INTS4: variants seen among roughly 807,000 people sequenced by gnomAD.
INTS4 encodes the protein integrator complex subunit 4.
In INTS4, 70 loss-of-function variants were observed where a neutral mutation model predicts 119.5. The ratio of observed to expected loss-of-function variants is 0.59; its 90% confidence interval spans 0.48 to 0.71. The LOEUF is 0.71. INTS4 is among the 30% of genes least tolerant of loss of function. The pLI, the probability that INTS4 is intolerant of heterozygous loss-of-function variation, is 0.00. For missense variants in INTS4, 867 were observed against 1,173.2 expected (o/e 0.74, Z 3.81); for synonymous variants, 316 against 419.6 (o/e 0.75, Z 3.02).
intron 4 of INTS4, among the ~76,000 whole-genome samples, chr11:77,974,415 G>C (rs1855864831): frequency 6.6e-6 from 1 of 151,196 alleles, no homozygotes; most frequent in South Asian, 2.1e-4. Context: ...ACTAATTTTT[G>C]TATTTTTAGT....
In INTS4 at chr11:77,907,826, C is replaced by T. The variant is rs147404221; in HGVS notation, c.1923-16G>A. The T allele has an allele frequency of 1.9e-6, 3 of 1,541,064 alleles. No individual in the cohort carries two copies. Among genetic ancestry groups the T allele is most frequent in the East Asian group, 4.5e-5 (2 of 44,316 alleles). Reference sequence around the variant, plus strand: ...TTGCAGATCCCTATAGTAAATAAAACCCCCAAGGCAAACACAGGATAAGGA... The same window carrying T: ...TTGCAGATCCCTATAGTAAATAAAATCCCCAAGGCAAACACAGGATAAGGA... On this transcript the variant is annotated splice_polypyrimidine_tract_variant and intron_variant, in intron 15 of 22. Coordinates refer to ENST00000534064, the MANE Select transcript of INTS4 (RefSeq NM_033547.4).
intron 16 of INTS4, 96 bp downstream of exon 16, chr11:77,907,621 A>T: frequency 1.2e-6 from 1 of 809,300 alleles, no homozygotes; most frequent in Non-Finnish European, 2.1e-6. Context: ...TTGCATTAAG[A>T]CCATAAGTTT....
intron 18 of INTS4, among the ~76,000 whole-genome samples, chr11:77,894,620 C>T (rs1013114900): frequency 5.3e-5 from 8 of 152,192 alleles, no homozygotes; most frequent in Non-Finnish European, 1.0e-4. Flanking sequence ...AGACTCACTA[C>T]GAATACAGGA....
Position 77,896,523 on chromosome 11 carries a change from A to G in INTS4, c.2229-2174T>C, listed in dbSNP as rs561594949. Among the ~76,000 whole-genome samples, 11 of 152,148 alleles carry G rather than the reference A, an allele frequency of 7.2e-5. No homozygotes were observed. In the South Asian group the frequency reaches 2.1e-3, roughly 29 times the overall value. Reference sequence around the variant, plus strand: ...CAAAATTAGCCGGGTACAGTGGCGCATGCCTGTAATCCCAGCTACTTGGGA... The same window carrying G: ...CAAAATTAGCCGGGTACAGTGGCGCGTGCCTGTAATCCCAGCTACTTGGGA... On this transcript the variant is annotated intron_variant, in intron 18 of 22. Coordinates refer to ENST00000534064, the MANE Select transcript of INTS4 (RefSeq NM_033547.4).
At chr11:77,968,158 C>A (rs1855573736) in intron 4 of INTS4, among the ~76,000 whole-genome samples, 1 of 152,090 alleles carries the variant, frequency 6.6e-6, no homozygotes, top group Non-Finnish European at 1.5e-5. Context: ...TATGGGACCA[C>A]TGTTGTATAT....
At chr11:77,902,560 T>C (rs1952810354) in intron 17 of INTS4, among the ~76,000 whole-genome samples, 1 of 152,234 alleles carries the variant, frequency 6.6e-6, no homozygotes, top group African/African-American at 2.4e-5. Flanking sequence ...GAATTTAACC[T>C]TGCTGAGCCT....
intron 8 of INTS4, among the ~76,000 whole-genome samples, chr11:77,946,698 T>C (rs1440550527): frequency 3.3e-5 from 5 of 151,514 alleles, no homozygotes; most frequent in African/African-American, 1.2e-4. Context: ...GAGGAGAAGG[T>C]TGCAGTGAGC....
intron 11 of INTS4, among the ~76,000 whole-genome samples, chr11:77,926,617 G>T (rs1276687006): frequency 6.6e-6 from 1 of 151,884 alleles, no homozygotes; most frequent in East Asian, 1.9e-4. Context: ...GACCAGCCTG[G>T]CCAATATGGT....
chr11:77,980,004 G>GAAAAA (rs71046935), intron 3 of INTS4, among the ~76,000 whole-genome samples: 2 of 138,282 alleles, frequency 1.4e-5, no homozygotes, highest in Non-Finnish European at 3.1e-5. Flanking sequence ...AGAAGAAACA[G>GAAAAA]AAAAAAAAAA....
At chr11:77,946,298 T>C (rs1344949224) in intron 8 of INTS4, among the ~76,000 whole-genome samples, 3 of 152,084 alleles carry the variant, frequency 2.0e-5, no homozygotes, top group Non-Finnish European at 2.9e-5. Context: ...CAACACACCA[T>C]ACCCAACTAA....
chr11:77,966,397 C>G (rs1393718858), intron 4 of INTS4, among the ~76,000 whole-genome samples: 1 of 152,140 alleles, frequency 6.6e-6, no homozygotes, highest in Non-Finnish European at 1.5e-5. Context: ...ACAGAGCTTT[C>G]CCTGTGTTTT....
chr11:77,891,911 AC>A, intron 19 of INTS4, 71 bp from the exon 20 acceptor site: 1 of 1,596,580 alleles, frequency 6.3e-7, no homozygotes, highest in Non-Finnish European at 8.5e-7. Flanking sequence ...GGCCCCAGAC[AC>A]CTATCAAACC....
chr11:77,946,618 G>C (rs1032715057), intron 8 of INTS4, among the ~76,000 whole-genome samples: 1 of 151,994 alleles, frequency 6.6e-6, no homozygotes, highest in South Asian at 2.1e-4. Flanking sequence ...AAAATTAGTC[G>C]GGTGTGGTGG....
chr11:77,920,212 T>TATATATACACAC (rs1953313347), intron 14 of INTS4, among the ~76,000 whole-genome samples: 12 of 142,388 alleles, frequency 8.4e-5, no homozygotes, highest in Middle Eastern at 3.6e-3. Context: ...TATACACACA[T>TATATATACACAC]ATATATACAC....
At position 77,941,377 on chromosome 11, in the gene INTS4, T is replaced by C. The variant is rs564941166; in HGVS notation, c.919-126A>G. The C allele has an allele frequency of 1.6e-4, 163 of 1,020,948 alleles. 1 individual carries two copies. In the South Asian group the frequency reaches 2.0e-3, roughly 13 times the overall value. The allele number at this position is 1,020,948 out of a possible 1,614,324, so 63.2% of individuals were successfully genotyped here. On this transcript the variant is annotated intron_variant, in intron 8 of 22. Coordinates refer to ENST00000534064, the MANE Select transcript of INTS4 (RefSeq NM_033547.4). ...ATTATTCATGACAGTAAAGATGCTA[T>C]GGGTTCTGAATCAGCAGGAAAATAA...
rs529982742 is a variant in INTS4, at chr11:77,927,228, A to G, written c.1371+1114T>C. ...GAAAGGAGTGGCTAGGCTATGTATG[A>G]GGCCACCCATGAAGAACCGCACATA... is the stretch of plus-strand genomic sequence containing the variant. On this transcript the variant is annotated intron_variant, in intron 11 of 22. Transcript: ENST00000534064. Among the ~76,000 whole-genome samples the G allele has an allele frequency of 4.6e-5, 7 of 152,334 alleles. No homozygotes were observed. In the South Asian group the frequency reaches 1.2e-3, roughly 27 times the overall value.
At chr11:77,985,529 A>G (rs138442227) in intron 2 of INTS4, among the ~76,000 whole-genome samples, 63 of 152,278 alleles carry the variant, frequency 4.1e-4, no homozygotes, top group African/African-American at 1.5e-3. Flanking sequence ...CCTGCTTCCA[A>G]TAATTAATCG....
intron 10 of INTS4, among the ~76,000 whole-genome samples, chr11:77,929,033 A>C (rs1302230122): frequency 1.3e-5 from 2 of 150,586 alleles, no homozygotes; most frequent in African/African-American, 4.9e-5. Flanking sequence ...AAAAAAAAAA[A>C]CTCCAAAAAC....
At chr11:77,961,187 A>T (rs758401794) in intron 4 of INTS4, 49 bp from the exon 5 acceptor site, 6 of 1,489,820 alleles carry the variant, frequency 4.0e-6, no homozygotes, top group Non-Finnish European at 5.3e-6. Context: ...AAAAAAGGAC[A>T]TGATTAAGAT....
Sources: gnomAD v4.1 joint callset for allele counts (sites outside exome capture counted in the v4.1 genomes callset) on GRCh38, gnomAD v4.1.1 for gene constraint, MANE v1.5 for transcripts, NCBI Gene and HGNC (gene_info 2026-07-23, HGNC 2026-07-21) for gene names.